KCNK10: variants seen among roughly 807,000 people sequenced by gnomAD.
KCNK10 encodes potassium two pore domain channel subfamily K member 10.
A neutral mutation model predicts 47.7 loss-of-function variants in KCNK10; 25 were observed. The observed-to-expected ratio is 0.52, with a 90% CI of 0.38 to 0.73. KCNK10 has a LOEUF of 0.73. KCNK10 is among the 30% of genes least tolerant of loss of function. KCNK10 has a pLI of 0.00. For synonymous variants in KCNK10, 303 were observed against 285.6 expected (o/e 1.06, Z -0.61); for missense variants, 563 against 714.5 (o/e 0.79, Z 2.42).
At chr14:88,219,139 T>C (rs371332388) in intron 4 of KCNK10, among the ~76,000 whole-genome samples, 3 of 152,120 alleles carry the variant, frequency 2.0e-5, no homozygotes, top group South Asian at 4.1e-4. Context: ...ACAATAGTAG[T>C]ATTCCCCCCG....
At chr14:88,269,255 C>T (rs1194910061) in intron 1 of KCNK10, among the ~76,000 whole-genome samples, 1 of 152,214 alleles carries the variant, frequency 6.6e-6, no homozygotes, top group Non-Finnish European at 1.5e-5. Context: ...TGACATTATT[C>T]AGGCTTTCTC....
intron 4 of KCNK10, among the ~76,000 whole-genome samples, chr14:88,226,732 TCC>T (rs1885998376): frequency 6.6e-6 from 1 of 152,214 alleles, no homozygotes. Flanking sequence ...GTAAATAAAT[TCC>T]TTGAGTTGAG....
chr14:88,311,548 A>C (rs1888330224), intron 1 of KCNK10, among the ~76,000 whole-genome samples: 1 of 152,296 alleles, frequency 6.6e-6, no homozygotes, highest in Non-Finnish European at 1.5e-5. Context: ...CTCATGGTCT[A>C]TACCAGACTG....
rs1884316247 is a variant in KCNK10, at chr14:88,180,644, A to G, written c.*4891T>C. 1 of 397,440 alleles carries G rather than the reference A, an allele frequency of 2.5e-6. No homozygotes were observed. The highest frequency in any genetic ancestry group is 4.4e-6 in the Non-Finnish European group (1 of 225,628). The allele number at this position is 397,440 out of a possible 1,614,324, so 24.6% of individuals were successfully genotyped here. A position where few individuals can be genotyped will look rare whatever the true frequency, so the allele number is the denominator to read the frequency against. On this transcript the variant is annotated 3_prime_UTR_variant, in exon 7 of 7. Transcript: ENST00000319231. Reference sequence around the variant, plus strand: ...ACAAAGTAGATACCAAATCTCAGGCACCTGTGAAAATGATAATAACTTTCA... The same window carrying G: ...ACAAAGTAGATACCAAATCTCAGGCGCCTGTGAAAATGATAATAACTTTCA...
intron 4 of KCNK10, among the ~76,000 whole-genome samples, chr14:88,209,911 C>T (rs1885400815): frequency 6.6e-6 from 1 of 152,166 alleles, no homozygotes; most frequent in African/African-American, 2.4e-5. Context: ...CCAATAAAGG[C>T]ACAGTAACAT....
At chr14:88,306,879 C>T (rs996529128) in intron 1 of KCNK10, among the ~76,000 whole-genome samples, 3 of 152,180 alleles carry the variant, frequency 2.0e-5, no homozygotes, top group South Asian at 2.1e-4. Flanking sequence ...TATCATAACC[C>T]TTAGGAAATG....
Position 88,182,036 on chromosome 14 carries a change from G to GCGCGCACA in KCNK10, c.*3498_*3499insTGTGCGCG, listed in dbSNP as rs878911675. ...AGATGGCCCAACACCACCCCAACCC[G>GCGCGCACA]CACACACACACACACACACACACAC... is the stretch of plus-strand genomic sequence containing the variant. On this transcript the variant is annotated 3_prime_UTR_variant, in exon 7 of 7. Coordinates refer to ENST00000319231, the MANE Select transcript of KCNK10 (RefSeq NM_138317.3). The GCGCGCACA allele has an allele frequency of 3.6e-5, 5 of 137,058 alleles. No homozygotes were observed. The highest frequency in any genetic ancestry group is 1.6e-5 in the Non-Finnish European group (1 of 63,722). 8.5% of individuals were successfully genotyped at this position (137,058 alleles called of 1,614,324 possible).
chr14:88,269,142 A>C (rs1239588616), intron 1 of KCNK10, among the ~76,000 whole-genome samples: 1 of 152,260 alleles, frequency 6.6e-6, no homozygotes, highest in Non-Finnish European at 1.5e-5. Flanking sequence ...CTGTCTCAAA[A>C]AAAAGAATAC....
chr14:88,205,615 G>T (rs1212538513), intron 4 of KCNK10, among the ~76,000 whole-genome samples: 1 of 148,178 alleles, frequency 6.7e-6, no homozygotes, highest in Non-Finnish European at 1.5e-5. Context: ...CGTGACCTCG[G>T]CTCACTGCAA....
intron 1 of KCNK10, among the ~76,000 whole-genome samples, chr14:88,294,054 T>C (rs1283027226): frequency 2.6e-5 from 4 of 152,180 alleles, no homozygotes; most frequent in African/African-American, 9.7e-5. Flanking sequence ...ATGTCAACAG[T>C]ACCGATTTTG....
In KCNK10 at chr14:88,240,699, G is replaced by C; in HGVS notation, c.520+4C>G. The C allele has an allele frequency of 6.3e-7, 1 of 1,580,252 alleles. No homozygotes were observed. Among genetic ancestry groups the C allele is most frequent in the African/African-American group, 1.3e-5 (1 of 74,276 alleles). ...GGAAGAGATATTAGCAAACAAACGG[G>C]TACCTATGGTCGTAATGACAGTTCC... On this transcript the variant is annotated splice_donor_region_variant and intron_variant, in intron 3 of 6. Coordinates refer to ENST00000319231, the MANE Select transcript of KCNK10 (RefSeq NM_138317.3).
At chr14:88,318,302 G>A (rs1467700217) in intron 1 of KCNK10, among the ~76,000 whole-genome samples, 1 of 152,210 alleles carries the variant, frequency 6.6e-6, no homozygotes, top group Non-Finnish European at 1.5e-5. Flanking sequence ...GGGTTATTGA[G>A]TGCCAGGCAC....
chr14:88,302,579 A>G (rs1888124337), intron 1 of KCNK10, among the ~76,000 whole-genome samples: 2 of 152,160 alleles, frequency 1.3e-5, no homozygotes, highest in African/African-American at 2.4e-5. Flanking sequence ...GTGTGGTGGC[A>G]CATGCCTGTT....
At chr14:88,252,329 T>C (rs925157887) in intron 2 of KCNK10, among the ~76,000 whole-genome samples, 45 of 152,186 alleles carry the variant, frequency 3.0e-4, no homozygotes, top group African/African-American at 1.1e-3. Context: ...ACCATGTCTG[T>C]CTTTTATTCA....
chr14:88,322,661 G>A lies in KCNK10; in HGVS notation c.52+86C>T. 1 of 1,567,440 alleles carries A rather than the reference G, an allele frequency of 6.4e-7. No individual in the cohort carries two copies. The highest frequency in any genetic ancestry group is 1.1e-5 in the South Asian group (1 of 89,860). ...CCCAGCCTCAGGACACACGCTGCCA[G>A]AAGCAAGAGTGCTTCCACTCAAGGA... On this transcript the variant is annotated intron_variant, in intron 1 of 6. Coordinates refer to ENST00000319231, the MANE Select transcript of KCNK10 (RefSeq NM_138317.3). The surrounding 1 kb of genome is among the most constrained non-coding windows in gnomAD (Gnocchi z 4.8).
At chr14:88,187,155 G>A (rs1884591583) in intron 6 of KCNK10, among the ~76,000 whole-genome samples, 1 of 152,002 alleles carries the variant, frequency 6.6e-6, no homozygotes, top group South Asian at 2.1e-4. Flanking sequence ...TTAGCATATG[G>A]GCCCAGGAAA....
intron 2 of KCNK10, among the ~76,000 whole-genome samples, chr14:88,247,351 C>CGG (rs2139899130): frequency 6.6e-6 from 1 of 152,218 alleles, no homozygotes; most frequent in South Asian, 2.1e-4. Flanking sequence ...CCTGAGTGGA[C>CGG]ACACCCCAAT....
chr14:88,275,283 TC>T (rs138918633), intron 1 of KCNK10, among the ~76,000 whole-genome samples: 4,759 of 152,226 alleles, frequency 0.031, 115 homozygotes, highest in Admixed American at 0.054. Flanking sequence ...CCCGTGGCCA[TC>T]AGTGGTAGAC....
At chr14:88,215,635 G>C (rs1885595244) in intron 4 of KCNK10, among the ~76,000 whole-genome samples, 1 of 152,016 alleles carries the variant, frequency 6.6e-6, no homozygotes, top group Admixed American at 6.6e-5. Context: ...CCGATCCAAG[G>C]CTCCCTACAA....
Sources: gnomAD v4.1 joint callset for allele counts (sites outside exome capture counted in the v4.1 genomes callset) on GRCh38, gnomAD v4.1.1 for gene constraint, Gnocchi (gnomAD v3.1) non-coding constraint, MANE v1.5 for transcripts, NCBI Gene and HGNC (gene_info 2026-07-23, HGNC 2026-07-21) for gene names.